Variants in KIAA1671 observed in about 807,000 individuals in gnomAD.
KIAA1671 encodes uncharacterized protein KIAA1671.
In KIAA1671, 52 loss-of-function variants were observed where a neutral mutation model predicts 131.2. That is an observed-to-expected ratio of 0.40 (90% CI 0.32 to 0.50). KIAA1671 has a LOEUF of 0.50. Among genes scored for constraint, KIAA1671 ranks in the 20% least tolerant of loss-of-function variants. The probability of loss-of-function intolerance (pLI) is 0.73; values close to 1 mark genes in which losing one functional copy is unlikely to be tolerated. For synonymous variants in KIAA1671, 1,003 were observed against 961.6 expected, an observed-to-expected ratio of 1.04 and a Z score of -0.80; for missense variants, 2,360 against 2,364.2, an observed-to-expected ratio of 1.00 and a Z score of 0.04.
rs1931416631 is a variant in KIAA1671 at position 25,112,471 on chromosome 22, A to G, written c.4531-58349A>G. On this transcript the variant is annotated intron_variant, in intron 6 of 12. Coordinates refer to ENST00000358431, the MANE Select transcript of KIAA1671 (RefSeq NM_001145206.2). ...CGGAACCGCCAGATATTGTAAGCTTATTATGTTTTAAAAAATATTAAAACA... is the reference window on the plus strand; with the variant it reads ...CGGAACCGCCAGATATTGTAAGCTTGTTATGTTTTAAAAAATATTAAAACA... The G allele has an allele frequency of 1.8e-5, 7 of 398,954 alleles. No homozygotes were observed. In the East Asian group the frequency reaches 2.5e-4, roughly 14 times the overall value. The allele number at this position is 398,954 out of a possible 1,614,324, so 24.7% of individuals were successfully genotyped here.
At chr22:25,010,825 G>A (rs1224077272) in intron 1 of KIAA1671, 1 of 152,226 alleles carries the variant, frequency 6.6e-6, no homozygotes, top group East Asian at 1.9e-4. Context: ...GTAGTTCAGA[G>A]TTAGGGCAGT....
rs1037512686 is a variant in KIAA1671, at chr22:25,032,669, C to T, written c.1602C>T (p.Gly534=). Reference sequence around the variant, plus strand: ...ATGAGAAGAGTGCTGAGCTGAGCGGCGAGTTTCCTAAGGAACCGAGAGAAA... The same window carrying T: ...ATGAGAAGAGTGCTGAGCTGAGCGGTGAGTTTCCTAAGGAACCGAGAGAAA... The part of the protein sequence containing the change: ...VKYEKSAELS[G]EFPKEPREKQ... The change falls in exon 4 of 13, where the codon GGC becomes GGT. Residue 534 remains glycine (G), a synonymous_variant. Coordinates refer to ENST00000358431, the MANE Select transcript of KIAA1671 (RefSeq NM_001145206.2). The T allele has an allele frequency of 8.8e-5, 136 of 1,546,360 alleles. No individual in the cohort carries two copies. Among genetic ancestry groups the T allele is most frequent in the Non-Finnish European group, 1.0e-4 (120 of 1,142,896 alleles).
rs2145804111 is a variant in KIAA1671 at position 25,038,897 on chromosome 22, C to T, written c.1767C>T (p.Ser589=). 6.4e-7 allele frequency: 1 copy of T among 1,551,770 alleles called. No homozygotes were observed. Among genetic ancestry groups the T allele is most frequent in the East Asian group, 2.4e-5 (1 of 40,912 alleles). Residue 589 remains serine (S), a synonymous_variant, in exon 5 of 13, where the codon AGC becomes AGT. Transcript: ENST00000358431. The stretch of plus-strand genomic sequence containing the variant: ...ACCCCGACAGCTGTCGCGGTGGAAG[C>T]TCAGTGGAGGCCCCGTGCCCTTCTG... ...NQDPDSCRGG[S]SVEAPCPSDV...
chr22:24,973,796 TC>T (rs945010128), intron 1 of KIAA1671, among the ~76,000 whole-genome samples: 52 of 152,302 alleles, frequency 3.4e-4, no homozygotes, highest in African/African-American at 1.2e-3. Context: ...CCCTGCCATG[TC>T]CCAAGTACAG....
At chr22:25,127,919 G>A (rs1185407949) in intron 6 of KIAA1671, among the ~76,000 whole-genome samples, 2 of 152,190 alleles carry the variant, frequency 1.3e-5, no homozygotes, top group South Asian at 2.1e-4. Context: ...CGGCTGCTGT[G>A]GTTCAGTGGT....
intron 1 of KIAA1671, among the ~76,000 whole-genome samples, chr22:24,992,521 T>C (rs1167621985): frequency 6.6e-6 from 1 of 151,986 alleles, no homozygotes; most frequent in Non-Finnish European, 1.5e-5. Flanking sequence ...GTTTGATCAA[T>C]AAATGAACAA....
chr22:25,093,824 T>TCTTTCTCTCTCTC (rs1555877745), intron 6 of KIAA1671, among the ~76,000 whole-genome samples: 1 of 21,922 alleles, frequency 4.6e-5, no homozygotes, highest in Admixed American at 4.4e-4. Context: ...CTCTCTCTCT[T>TCTTTCTCTCTCTC]TCTCTCTCTG....
At chr22:25,042,463 GTTT>G (rs3063202) in intron 5 of KIAA1671, among the ~76,000 whole-genome samples, 2 of 104,888 alleles carry the variant, frequency 1.9e-5, no homozygotes, top group Non-Finnish European at 3.6e-5. Flanking sequence ...GCAGTCCCTT[GTTT>G]TTTTTTTTTT....
At chr22:25,088,140 C>A (rs1369536808) in intron 6 of KIAA1671, among the ~76,000 whole-genome samples, 2 of 150,766 alleles carry the variant, frequency 1.3e-5, no homozygotes, top group Non-Finnish European at 2.9e-5. Flanking sequence ...CAGAGTCTCA[C>A]CCCGTCGCCC....
intron 9 of KIAA1671, chr22:25,179,405 C>T (rs2146030769): frequency 6.2e-7 from 1 of 1,611,754 alleles, no homozygotes; most frequent in African/African-American, 1.3e-5. Context: ...CCAGGTGCGC[C>T]TCGCGGATCT....
At position 25,157,212 on chromosome 22, in the gene KIAA1671, C is replaced by T. The variant is rs187347284; in HGVS notation, c.4531-13608C>T. 3.7e-4 allele frequency among the ~76,000 whole-genome samples: 57 copies of T among 152,230 alleles called. 1 individual carries two copies. In the East Asian group the frequency reaches 0.01, roughly 27 times the overall value. Reference sequence around the variant, plus strand: ...CACTAGCCACAAATGTTACAAAATACAAAAAGAGGTAGAATAAAAAAAAGT... The same window carrying T: ...CACTAGCCACAAATGTTACAAAATATAAAAAGAGGTAGAATAAAAAAAAGT... On this transcript the variant is annotated intron_variant, in intron 6 of 12. Coordinates refer to ENST00000358431, the MANE Select transcript of KIAA1671 (RefSeq NM_001145206.2).
At chr22:25,124,549 G>A (rs1171356868) in intron 6 of KIAA1671, among the ~76,000 whole-genome samples, 2 of 152,142 alleles carry the variant, frequency 1.3e-5, no homozygotes, top group Admixed American at 1.3e-4. Flanking sequence ...TGCCAGCTTT[G>A]CCACTAGTCA....
At chr22:25,181,210 C>T (rs148269634) in intron 9 of KIAA1671, among the ~76,000 whole-genome samples, 52 of 152,344 alleles carry the variant, frequency 3.4e-4, no homozygotes, top group Non-Finnish European at 7.1e-4. Flanking sequence ...AGCTCAGCCT[C>T]AAGCACGGGT....
intron 1 of KIAA1671, among the ~76,000 whole-genome samples, chr22:24,981,768 T>C (rs1275337945): frequency 6.6e-6 from 1 of 152,034 alleles, no homozygotes; most frequent in African/African-American, 2.4e-5. Context: ...ATTAGCTGGG[T>C]GTGATGGCAT....
intron 1 of KIAA1671, among the ~76,000 whole-genome samples, chr22:24,974,499 C>T (rs1189972573): frequency 1.3e-5 from 2 of 151,990 alleles, no homozygotes; most frequent in East Asian, 3.9e-4. Context: ...GGGATTTGAA[C>T]CTAGGTAAAG....
intron 6 of KIAA1671, among the ~76,000 whole-genome samples, chr22:25,082,299 A>C (rs1929453369): frequency 6.6e-6 from 1 of 152,118 alleles, no homozygotes. Flanking sequence ...GCCTACCCTG[A>C]ACTAGGCCTG....
chr22:25,179,586 C>T, intron 9 of KIAA1671: 1 of 1,384,574 alleles, frequency 7.2e-7, no homozygotes, highest in Non-Finnish European at 9.9e-7. Context: ...CTTCCCCTGC[C>T]CAATGCGTTG....
chr22:25,063,398 T>C (rs144773153), intron 6 of KIAA1671: 1 of 152,340 alleles, frequency 6.6e-6, no homozygotes, highest in Non-Finnish European at 1.5e-5. Context: ...AAGGGAATAA[T>C]GTCTTCTGCA....
At chr22:25,190,853 G>T in intron 12 of KIAA1671, 69 bp downstream of exon 12, 1 of 1,100,890 alleles carries the variant, frequency 9.1e-7, no homozygotes, top group Non-Finnish European at 1.4e-6. Context: ...ACTCAGGGGG[G>T]CCACGCTTCA....
Sources: gnomAD v4.1 joint callset for allele counts (sites outside exome capture counted in the v4.1 genomes callset) on GRCh38, gnomAD v4.1.1 for gene constraint, MANE v1.5 for transcripts, NCBI Gene and HGNC (gene_info 2026-07-23, HGNC 2026-07-21) for gene names.